ZNF516: variants seen among roughly 807,000 people sequenced by gnomAD.
ZNF516 encodes the protein zinc finger protein 516.
In ZNF516, 19 loss-of-function variants were observed where a neutral mutation model predicts 79.7. The observed-to-expected ratio is 0.24, with a 90% CI of 0.17 to 0.35. The LOEUF (loss-of-function observed/expected upper bound fraction) is 0.35, where lower values mean the gene tolerates loss of function less well. ZNF516 is among the 10% of genes least tolerant of loss of function. The pLI, the probability that ZNF516 is intolerant of heterozygous loss-of-function variation, is 1.00. For missense variants in ZNF516, 1,678 were observed against 1,679.5 expected (o/e 1.00, Z 0.02); for synonymous variants, 877 against 739.5 (o/e 1.19, Z -3.02).
At position 76,362,374 on chromosome 18, in the gene ZNF516, G is replaced by C. The variant is rs2074552023; in HGVS notation, c.*124C>G. 5 of 885,270 alleles carry C rather than the reference G, an allele frequency of 5.6e-6. No individual in the cohort carries two copies. The highest frequency in any genetic ancestry group is 2.4e-4 in the Middle Eastern group (1 of 4,236). 54.8% of individuals were successfully genotyped at this position (885,270 alleles called of 1,614,324 possible). On this transcript the variant is annotated 3_prime_UTR_variant, in exon 7 of 7. Coordinates refer to ENST00000443185, the MANE Select transcript of ZNF516 (RefSeq NM_014643.4). ...CAGCGGCTCGGGATGTGAGGTGTCT[G>C]CTCAGGAGTTCCCCGGCTGTTCTTC... is the stretch of plus-strand genomic sequence containing the variant.
At chr18:76,475,766 T>G (rs1377515058) in intron 1 of ZNF516, among the ~76,000 whole-genome samples, 2 of 152,256 alleles carry the variant, frequency 1.3e-5, no homozygotes, top group South Asian at 4.1e-4. Flanking sequence ...ACCCTACACA[T>G]GCCTTAAAGC....
chr18:76,464,532 G>A (rs1043229609), intron 1 of ZNF516, among the ~76,000 whole-genome samples: 1 of 152,228 alleles, frequency 6.6e-6, no homozygotes. Context: ...AGGGTGATGC[G>A]CAGTGATAGG....
At chr18:76,458,186 G>A (rs1396260714) in intron 2 of ZNF516, among the ~76,000 whole-genome samples, 1 of 152,176 alleles carries the variant, frequency 6.6e-6, no homozygotes, top group Non-Finnish European at 1.5e-5. Context: ...GATGCGAAAT[G>A]ACAAACAGAA....
At chr18:76,465,487 G>T (rs1027270250) in intron 1 of ZNF516, among the ~76,000 whole-genome samples, 4 of 152,190 alleles carry the variant, frequency 2.6e-5, no homozygotes, top group African/African-American at 9.7e-5. Flanking sequence ...GACAGCACAC[G>T]GGAGAAATGC....
intron 1 of ZNF516, among the ~76,000 whole-genome samples, chr18:76,470,890 G>A (rs1030904688): frequency 1.4e-4 from 22 of 152,180 alleles, no homozygotes; most frequent in Non-Finnish European, 3.2e-4. Context: ...GGTGGCAGGC[G>A]CCCGTAGTCC....
intron 3 of ZNF516, among the ~76,000 whole-genome samples, chr18:76,395,968 A>C (rs911566812): frequency 3.9e-5 from 6 of 152,222 alleles, no homozygotes; most frequent in Non-Finnish European, 7.3e-5. Flanking sequence ...CCTTCTTCCC[A>C]GCATCCACGC....
chr18:76,371,118 A>C (rs2074696467), intron 5 of ZNF516, among the ~76,000 whole-genome samples: 1 of 152,230 alleles, frequency 6.6e-6, no homozygotes, highest in Non-Finnish European at 1.5e-5. Flanking sequence ...ACACAAAACC[A>C]AGCCTACGCT....
intron 1 of ZNF516, among the ~76,000 whole-genome samples, chr18:76,489,649 C>A (rs1336263509): frequency 6.7e-6 from 1 of 148,616 alleles, no homozygotes; most frequent in African/African-American, 2.5e-5. Context: ...AAAATAAAAT[C>A]TCTAAATTAG....
intron 3 of ZNF516, among the ~76,000 whole-genome samples, chr18:76,401,570 G>A (rs948064382): frequency 6.6e-6 from 1 of 152,022 alleles, no homozygotes; most frequent in Admixed American, 6.5e-5. Flanking sequence ...GCTTCTCCGA[G>A]GCCATCTCCG....
At chr18:76,372,093 C>T (rs558334261) in intron 4 of ZNF516, among the ~76,000 whole-genome samples, 19 of 152,342 alleles carry the variant, frequency 1.2e-4, no homozygotes, top group South Asian at 4.1e-4. Flanking sequence ...TCTGAGGCCC[C>T]GGCCCCCAGA....
intron 3 of ZNF516, among the ~76,000 whole-genome samples, chr18:76,435,648 GAATTT>G (rs1158987137): frequency 1.3e-5 from 2 of 152,204 alleles, no homozygotes; most frequent in Non-Finnish European, 2.9e-5. Flanking sequence ...TACTAAACAA[GAATTT>G]AATATCAGGG....
chr18:76,364,079 T>C (rs1157181346), intron 6 of ZNF516, among the ~76,000 whole-genome samples: 1 of 152,246 alleles, frequency 6.6e-6, no homozygotes, highest in Non-Finnish European at 1.5e-5. Flanking sequence ...CCTCCGTCCA[T>C]GAAGGGCTAA....
intron 3 of ZNF516, among the ~76,000 whole-genome samples, chr18:76,422,285 C>T (rs540184636): frequency 6.6e-6 from 1 of 152,300 alleles, no homozygotes; most frequent in African/African-American, 2.4e-5. Context: ...CTGCGGAGAG[C>T]GGGCCGGTCC....
intron 3 of ZNF516, among the ~76,000 whole-genome samples, chr18:76,413,981 T>C (rs1332894462): frequency 6.6e-6 from 1 of 152,248 alleles, no homozygotes; most frequent in African/African-American, 2.4e-5. Flanking sequence ...AAATTTCATG[T>C]CACTTTTTTT....
At position 76,358,968 on chromosome 18, in the gene ZNF516, T is replaced by C. The variant is rs2074494087; in HGVS notation, c.*3530A>G. Reference sequence around the variant, plus strand: ...GAGTTGCCAGCCTGGAGAGGCACCATGGAGATGAAGCTTGCCCTTTCTGCA... The same window carrying C: ...GAGTTGCCAGCCTGGAGAGGCACCACGGAGATGAAGCTTGCCCTTTCTGCA... On this transcript the variant is annotated 3_prime_UTR_variant, in exon 7 of 7. Transcript: ENST00000443185. The C allele has an allele frequency of 6.6e-6, 1 of 152,444 alleles. No homozygotes were observed. Among genetic ancestry groups the C allele is most frequent in the African/African-American group, 2.4e-5 (1 of 41,444 alleles). The allele number at this position is 152,444 out of a possible 1,614,324, so 9.4% of individuals were successfully genotyped here.
chr18:76,494,788 C>T (rs1915411493), intron 1 of ZNF516, among the ~76,000 whole-genome samples: 1 of 151,810 alleles, frequency 6.6e-6, no homozygotes, highest in Admixed American at 6.6e-5. Flanking sequence ...CCCCTCCTCC[C>T]GCGTCGCCTT....
chr18:76,403,852 G>C (rs1367204193), intron 3 of ZNF516, among the ~76,000 whole-genome samples: 6 of 152,216 alleles, frequency 3.9e-5, no homozygotes, highest in African/African-American at 1.4e-4. Flanking sequence ...GCAGCTGCCA[G>C]TAATGAAATA....
chr18:76,454,242 A>G (rs545633782), intron 2 of ZNF516, among the ~76,000 whole-genome samples: 11 of 152,406 alleles, frequency 7.2e-5, no homozygotes, highest in African/African-American at 2.6e-4. Context: ...AAACACGTCA[A>G]TAATCAATTT....
chr18:76,478,516 A>T (rs1057023214), intron 1 of ZNF516, among the ~76,000 whole-genome samples: 1 of 152,256 alleles, frequency 6.6e-6, no homozygotes, highest in Non-Finnish European at 1.5e-5. Context: ...CTTTTCTAAA[A>T]TAAACAATTT....
Sources: gnomAD v4.1 joint callset for allele counts (sites outside exome capture counted in the v4.1 genomes callset) on GRCh38, gnomAD v4.1.1 for gene constraint, MANE v1.5 for transcripts, NCBI Gene and HGNC (gene_info 2026-07-23, HGNC 2026-07-21) for gene names.